BTBD9: variants seen among roughly 807,000 people sequenced by gnomAD.
BTBD9 encodes BTB domain containing 9.
In BTBD9, 49 loss-of-function variants were observed where a neutral mutation model predicts 64.3. The observed-to-expected ratio is 0.76, with a 90% CI of 0.61 to 0.97. The LOEUF is 0.97. Ranked by LOEUF, BTBD9 falls within the 50% of genes least tolerant of loss-of-function variation. The probability of loss-of-function intolerance (pLI) is 0.00; values close to 1 mark genes in which losing one functional copy is unlikely to be tolerated. For missense variants in BTBD9, 598 were observed against 762.1 expected, an observed-to-expected ratio of 0.78 and a Z score of 2.53; for synonymous variants, 260 against 274.7, an observed-to-expected ratio of 0.95 and a Z score of 0.53.
chr6:38,219,835 G>A (rs1157166195), intron 9 of BTBD9, among the ~76,000 whole-genome samples: 1 of 152,128 alleles, frequency 6.6e-6, no homozygotes, highest in Non-Finnish European at 1.5e-5. Flanking sequence ...AAACACTAAG[G>A]AGGGCATTTG....
chr6:38,203,274 T>C (rs116041903), intron 9 of BTBD9, among the ~76,000 whole-genome samples: 9 of 152,210 alleles, frequency 5.9e-5, no homozygotes, highest in Admixed American at 1.3e-4. Context: ...GATTTCTCAA[T>C]AAACTACTAC....
intron 8 of BTBD9, among the ~76,000 whole-genome samples, chr6:38,266,491 T>C (rs1764975390): frequency 6.6e-6 from 1 of 151,952 alleles, no homozygotes; most frequent in African/African-American, 2.4e-5. Flanking sequence ...GAGAATCACT[T>C]GGACCCGAGA....
chr6:38,242,037 A>G (rs1764008089), intron 9 of BTBD9, among the ~76,000 whole-genome samples: 1 of 152,218 alleles, frequency 6.6e-6, no homozygotes. Flanking sequence ...AGGCTGGACA[A>G]ATTAATATTC....
intron 6 of BTBD9, among the ~76,000 whole-genome samples, chr6:38,530,181 C>T (rs1374737003): frequency 6.6e-6 from 1 of 151,996 alleles, no homozygotes; most frequent in African/African-American, 2.4e-5. Context: ...TCCACCCTGG[C>T]AAATTTGTGG....
intron 10 of BTBD9, among the ~76,000 whole-genome samples, chr6:38,180,372 A>G (rs1017638471): frequency 6.6e-6 from 1 of 152,128 alleles, no homozygotes; most frequent in Non-Finnish European, 1.5e-5. Flanking sequence ...AGTGCTTTTT[A>G]TACACAGGAG....
intron 6 of BTBD9, among the ~76,000 whole-genome samples, chr6:38,499,887 C>T (rs541243411): frequency 6.6e-4 from 100 of 152,276 alleles, no homozygotes; most frequent in African/African-American, 2.3e-3. Flanking sequence ...ACTGTCAGAG[C>T]GCTGAATAAG....
chr6:38,500,619 G>A (rs1772153679), intron 6 of BTBD9, among the ~76,000 whole-genome samples: 1 of 152,148 alleles, frequency 6.6e-6, no homozygotes, highest in South Asian at 2.1e-4. Context: ...ACATCTTACA[G>A]GGCAGGTGAG....
intron 6 of BTBD9, among the ~76,000 whole-genome samples, chr6:38,512,851 T>C (rs1772835111): frequency 6.6e-6 from 1 of 152,228 alleles, no homozygotes; most frequent in African/African-American, 2.4e-5. Flanking sequence ...TACTTCCATA[T>C]AGCTTAATGC....
At chr6:38,529,779 T>A (rs1431467252) in intron 6 of BTBD9, among the ~76,000 whole-genome samples, 1 of 152,214 alleles carries the variant, frequency 6.6e-6, no homozygotes, top group Non-Finnish European at 1.5e-5. Flanking sequence ...AGGACCACTA[T>A]GATAATTGTG....
intron 6 of BTBD9, among the ~76,000 whole-genome samples, chr6:38,537,017 A>G (rs1328467326): frequency 6.6e-6 from 1 of 152,198 alleles, no homozygotes; most frequent in Non-Finnish European, 1.5e-5. Flanking sequence ...ACTTGAGATG[A>G]TGAATATCCC....
chr6:38,412,055 A>G (rs1562147195), intron 6 of BTBD9, among the ~76,000 whole-genome samples: 2 of 152,182 alleles, frequency 1.3e-5, no homozygotes, highest in Non-Finnish European at 2.9e-5. Context: ...TTCTGAAAGT[A>G]GAGAAACATT....
chr6:38,589,502 T>C (rs1393558978), intron 4 of BTBD9, among the ~76,000 whole-genome samples: 1 of 152,190 alleles, frequency 6.6e-6, no homozygotes, highest in East Asian at 1.9e-4. Context: ...CTCATCTTAC[T>C]ACCTCTTCAC....
chr6:38,584,040 G>A (rs1176241494), intron 4 of BTBD9, among the ~76,000 whole-genome samples: 1 of 151,888 alleles, frequency 6.6e-6, no homozygotes, highest in African/African-American at 2.4e-5. Flanking sequence ...AAAATACAAA[G>A]TGCTGGCTGG....
In BTBD9 at chr6:38,330,573, T is replaced by A. The variant is rs546261890; in HGVS notation, c.1264+14411A>T. Among the ~76,000 whole-genome samples, 56 of 149,402 alleles carry A rather than the reference T, an allele frequency of 3.7e-4. No individual in the cohort carries two copies. In the East Asian group the frequency reaches 3.9e-3, roughly 10 times the overall value. ...TAGAGACGCCATCTCTAAAAAAAAA[T>A]TTTTTTTAATGAAACTTGACAAGCC... On this transcript the variant is annotated intron_variant, in intron 7 of 10. Coordinates refer to ENST00000481247, the MANE Select transcript of BTBD9 (RefSeq NM_001099272.2).
Position 38,584,146 on chromosome 6 carries a change from G to A in BTBD9, c.815-3709C>T, listed in dbSNP as rs138000845. On this transcript the variant is annotated intron_variant, in intron 4 of 10. Coordinates refer to ENST00000481247, the MANE Select transcript of BTBD9 (RefSeq NM_001099272.2). The stretch of plus-strand genomic sequence containing the variant: ...GTTTGAGACCATCCTGGCCAACATG[G>A]CAAAACCCCATCTCTACTAAAAATA... 4.1e-4 allele frequency among the ~76,000 whole-genome samples: 62 copies of A among 152,242 alleles called. No homozygotes were observed. In the East Asian group the frequency reaches 0.012, roughly 28 times the overall value.
chr6:38,181,755 A>G (rs1357807218), intron 10 of BTBD9, among the ~76,000 whole-genome samples: 2 of 152,162 alleles, frequency 1.3e-5, no homozygotes, highest in African/African-American at 2.4e-5. Context: ...TGGGAGGCTG[A>G]GAGAGGCGGA....
At chr6:38,613,828 GC>G (rs1318765226) in intron 1 of BTBD9, among the ~76,000 whole-genome samples, 1 of 152,106 alleles carries the variant, frequency 6.6e-6, no homozygotes, top group Admixed American at 6.5e-5. Context: ...TTTCCTATCA[GC>G]AAATCAGCTG....
At chr6:38,335,342 T>A (rs1321449647) in intron 7 of BTBD9, among the ~76,000 whole-genome samples, 1 of 151,414 alleles carries the variant, frequency 6.6e-6, no homozygotes. Flanking sequence ...AACCTCCGCC[T>A]CCTGGGTTCA....
intron 3 of BTBD9, 109 bp from the exon 4 acceptor site, chr6:38,592,949 G>A (rs1305924560): frequency 8.8e-7 from 1 of 1,135,056 alleles, no homozygotes; most frequent in Non-Finnish European, 1.2e-6. Flanking sequence ...AACTCTTTTT[G>A]ACCCTCTCCT....
Sources: allele counts gnomAD v4.1 joint callset (sites outside exome capture counted in the v4.1 genomes callset), GRCh38; gene constraint gnomAD v4.1.1; transcripts MANE v1.5; gene names NCBI Gene and HGNC (gene_info 2026-07-23, HGNC 2026-07-21).